The following NRXN1 variants were observed in gnomAD, a reference collection of about 807,000 sequenced individuals.
NRXN1 encodes neurexin-1.
A neutral mutation model predicts 150.9 loss-of-function variants in NRXN1; 39 were observed. The observed-to-expected ratio is 0.26, with a 90% CI of 0.20 to 0.34. The LOEUF (loss-of-function observed/expected upper bound fraction) is 0.34. Among genes scored for constraint, NRXN1 ranks in the 10% least tolerant of loss-of-function variants. The pLI is 1.00. For missense variants in NRXN1, 1,815 were observed against 1,949.9 expected, an observed-to-expected ratio of 0.93 and a Z score of 1.30; for synonymous variants, 924 against 757.0, an observed-to-expected ratio of 1.22 and a Z score of -3.62.
chr2:50,849,919 G>A lies in NRXN1; in HGVS notation c.832+71950C>T, dbSNP rs555278128. Among the ~76,000 whole-genome samples, 44 of 152,100 alleles carry A rather than the reference G, an allele frequency of 2.9e-4. No individual in the cohort carries two copies. In the South Asian group the frequency reaches 7.9e-3, roughly 27 times the overall value. ...GAATTCTAAGTTTTTTAAAAAATACGTATTTGTCCAGGTGTGGTGCTCATA... is the reference window on the plus strand; with the variant it reads ...GAATTCTAAGTTTTTTAAAAAATACATATTTGTCCAGGTGTGGTGCTCATA... On this transcript the variant is annotated intron_variant, in intron 5 of 22. Transcript: ENST00000401669.
intron 17 of NRXN1, among the ~76,000 whole-genome samples, chr2:50,319,578 C>G (rs2075862769): frequency 6.6e-6 from 1 of 152,090 alleles, no homozygotes; most frequent in Admixed American, 6.6e-5. Flanking sequence ...ATTAATAGCA[C>G]TAATTTATAA....
intron 5 of NRXN1, among the ~76,000 whole-genome samples, chr2:50,907,114 A>C (rs1683813639): frequency 6.6e-6 from 1 of 151,904 alleles, no homozygotes; most frequent in African/African-American, 2.4e-5. Context: ...TTTTCCCTTG[A>C]AGACTCTCAT....
intron 18 of NRXN1, among the ~76,000 whole-genome samples, chr2:50,141,965 A>G (rs1476365932): frequency 6.6e-6 from 1 of 152,074 alleles, no homozygotes; most frequent in Admixed American, 6.6e-5. Flanking sequence ...TATCCAAAGG[A>G]AAGGAAATCA....
chr2:50,297,043 C>G (rs1293178476), intron 17 of NRXN1, among the ~76,000 whole-genome samples: 3 of 145,336 alleles, frequency 2.1e-5, no homozygotes. Context: ...CCACCACACC[C>G]AGCTAATTAT....
chr2:49,972,697 T>C (rs1352366207), intron 21 of NRXN1: 3 of 152,226 alleles, frequency 2.0e-5, no homozygotes, highest in African/African-American at 4.8e-5. Context: ...AAGCAACTTC[T>C]ATTCATGGAA....
chr2:50,327,342 T>C (rs1447945760), intron 17 of NRXN1, among the ~76,000 whole-genome samples: 1 of 152,160 alleles, frequency 6.6e-6, no homozygotes, highest in African/African-American at 2.4e-5. Flanking sequence ...GAAAATCACT[T>C]ATGATGATAG....
At chr2:50,304,999 G>C (rs530176147) in intron 17 of NRXN1, among the ~76,000 whole-genome samples, 176 of 152,132 alleles carry the variant, frequency 1.2e-3, no homozygotes, top group African/African-American at 4.1e-3. Flanking sequence ...CTCAGGCAGG[G>C]GAATTGCTTG....
At chr2:50,373,719 A>AAGAAAGAAAGAAAGAAAGAC (rs2080277320) in intron 17 of NRXN1, among the ~76,000 whole-genome samples, 1 of 148,012 alleles carries the variant, frequency 6.8e-6, no homozygotes, top group South Asian at 2.1e-4. Context: ...AAGAGAAAGA[A>AAGAAAGAAAGAAAGAAAGAC]AGACAGACAG....
intron 15 of NRXN1, among the ~76,000 whole-genome samples, chr2:50,474,866 A>T (rs1431907727): frequency 2.0e-5 from 3 of 146,886 alleles, no homozygotes; most frequent in Non-Finnish European, 3.0e-5. Context: ...GTACAGTAGA[A>T]CTCACCCCAT....
intron 18 of NRXN1, among the ~76,000 whole-genome samples, chr2:50,126,411 T>G (rs1435949743): frequency 6.6e-6 from 1 of 152,074 alleles, no homozygotes; most frequent in Non-Finnish European, 1.5e-5. Context: ...TGGAACATAC[T>G]AAATGTAATG....
chr2:50,463,295 T>C (rs540874376), intron 17 of NRXN1, among the ~76,000 whole-genome samples: 1 of 151,890 alleles, frequency 6.6e-6, no homozygotes, highest in Non-Finnish European at 1.5e-5. Context: ...TGCTACTATA[T>C]CTTCTACCAA....
At chr2:50,129,478 AC>A (rs1259338585) in intron 18 of NRXN1, among the ~76,000 whole-genome samples, 1 of 152,240 alleles carries the variant, frequency 6.6e-6, no homozygotes, top group Non-Finnish European at 1.5e-5. Flanking sequence ...ATATAGGATT[AC>A]TTTTTTTAAT....
chr2:50,336,398 G>A (rs1019964990), intron 17 of NRXN1, among the ~76,000 whole-genome samples: 2 of 152,120 alleles, frequency 1.3e-5, no homozygotes, highest in African/African-American at 4.8e-5. Context: ...ATCTAGAAAC[G>A]ACACAATTTG....
At chr2:51,001,928 C>A (rs1046046805) in intron 2 of NRXN1, among the ~76,000 whole-genome samples, 2 of 151,894 alleles carry the variant, frequency 1.3e-5, no homozygotes, top group Admixed American at 1.3e-4. Context: ...GATACCCTCC[C>A]TATATTGGGA....
At chr2:50,877,414 A>G (rs1678765697) in intron 5 of NRXN1, among the ~76,000 whole-genome samples, 1 of 151,908 alleles carries the variant, frequency 6.6e-6, no homozygotes, top group Non-Finnish European at 1.5e-5. Flanking sequence ...ATTCTACTTT[A>G]GCAGCTGAGA....
intron 22 of NRXN1, among the ~76,000 whole-genome samples, chr2:49,922,764 T>C (rs1668446877): frequency 6.6e-6 from 1 of 152,332 alleles, no homozygotes; most frequent in African/African-American, 2.4e-5. Context: ...AGATAATCCA[T>C]ACATTTTAAC....
Position 50,817,944 on chromosome 2 carries a change from G to T in NRXN1, c.832+103925C>A, listed in dbSNP as rs147467917. Among the ~76,000 whole-genome samples the T allele has an allele frequency of 3.5e-3, 537 of 151,864 alleles. 3 individuals are homozygous for T. The highest frequency in any genetic ancestry group is 0.012 in the African/African-American group (490 of 41,460). On this transcript the variant is annotated intron_variant, in intron 5 of 22. Coordinates refer to ENST00000401669, the MANE Select transcript of NRXN1 (RefSeq NM_001330078.2). ...CTCTTCCTGGATAATCAGGAACAAG[G>T]TATTAATGCTCACTCTTGCCACTTC...
At chr2:50,239,662 GTA>G (rs59505952) in intron 17 of NRXN1, among the ~76,000 whole-genome samples, 605 of 46,906 alleles carry the variant, frequency 0.013, 3 homozygotes, top group Middle Eastern at 0.017. Context: ...ACCTATTCCA[GTA>G]TATATATATA....
chr2:50,818,355 A>G (rs201965643), intron 5 of NRXN1, among the ~76,000 whole-genome samples: 1 of 152,090 alleles, frequency 6.6e-6, no homozygotes, highest in East Asian at 1.9e-4. Flanking sequence ...TAATCAGTAT[A>G]TAAGTTTTCA....
Sources: allele counts gnomAD v4.1 joint callset (sites outside exome capture counted in the v4.1 genomes callset), GRCh38; gene constraint gnomAD v4.1.1; transcripts MANE v1.5; gene names NCBI Gene and HGNC (gene_info 2026-07-23, HGNC 2026-07-21).